MARCHF8: variants seen among roughly 807,000 people sequenced by gnomAD.
MARCHF8 encodes E3 ubiquitin-protein ligase MARCHF8.
A neutral mutation model predicts 51.6 loss-of-function variants in MARCHF8; 40 were observed. The observed-to-expected ratio is 0.77, with a 90% CI of 0.60 to 1.01. The LOEUF is 1.01. Among genes scored for constraint, MARCHF8 ranks in the 50% least tolerant of loss-of-function variants. The pLI, the probability that MARCHF8 is intolerant of heterozygous loss-of-function variation, is 0.00. For synonymous variants in MARCHF8, 263 were observed against 280.3 expected, an observed-to-expected ratio of 0.94 and a Z score of 0.62; for missense variants, 685 against 708.6, an observed-to-expected ratio of 0.97 and a Z score of 0.38.
chr10:45,587,974 A>C (rs1373646927), intron 1 of MARCHF8, among the ~76,000 whole-genome samples: 1 of 152,166 alleles, frequency 6.6e-6, no homozygotes, highest in Admixed American at 6.5e-5. Context: ...GTATTCATAA[A>C]GGAAAGTAAA....
intron 3 of MARCHF8, among the ~76,000 whole-genome samples, chr10:45,483,761 G>A (rs1284082310): frequency 6.6e-6 from 1 of 152,188 alleles, no homozygotes; most frequent in Non-Finnish European, 1.5e-5. Context: ...CATGTCATCT[G>A]CAGCAACATG....
In MARCHF8 at chr10:45,454,686, G is replaced by C. The variant is rs958233431; in HGVS notation, c.*3553C>G. 2 of 152,224 alleles carry C rather than the reference G, an allele frequency of 1.3e-5. No individual in the cohort carries two copies. Among genetic ancestry groups the C allele is most frequent in the Non-Finnish European group, 2.9e-5 (2 of 68,044 alleles). 9.4% of individuals were successfully genotyped at this position (152,224 alleles called of 1,614,324 possible). A position where few individuals can be genotyped will look rare whatever the true frequency, so the allele number is the denominator to read the frequency against. On this transcript the variant is annotated 3_prime_UTR_variant, in exon 8 of 8. Coordinates refer to ENST00000453424, the MANE Select transcript of MARCHF8 (RefSeq NM_001282866.2). ...ATTCAAGTGGTAATACTGAGAAACA[G>C]TGAACACACACAAAAGAATACAAAA...
chr10:45,582,305 G>A (rs922323710), intron 1 of MARCHF8, among the ~76,000 whole-genome samples: 4 of 152,154 alleles, frequency 2.6e-5, no homozygotes, highest in African/African-American at 7.2e-5. Context: ...AGCACCTCCC[G>A]TTCAACTACA....
At chr10:45,469,540 G>A (rs1843087307) in intron 3 of MARCHF8, among the ~76,000 whole-genome samples, 1 of 152,128 alleles carries the variant, frequency 6.6e-6, no homozygotes, top group Non-Finnish European at 1.5e-5. Flanking sequence ...TCTCTCAGAT[G>A]TGTATGCAAA....
At chr10:45,466,962 G>A (rs1488237092) in intron 3 of MARCHF8, among the ~76,000 whole-genome samples, 1 of 152,178 alleles carries the variant, frequency 6.6e-6, no homozygotes, top group Admixed American at 6.5e-5. Flanking sequence ...CACACGTCAG[G>A]ACATGTGTTC....
At chr10:45,563,133 C>T (rs1158193565) in intron 1 of MARCHF8, among the ~76,000 whole-genome samples, 2 of 152,096 alleles carry the variant, frequency 1.3e-5, no homozygotes, top group East Asian at 3.8e-4. Context: ...CTCAAGTGAT[C>T]CTACTGCCTC....
intron 1 of MARCHF8, among the ~76,000 whole-genome samples, chr10:45,586,749 C>G (rs1375730658): frequency 6.6e-6 from 1 of 151,814 alleles, no homozygotes; most frequent in East Asian, 1.9e-4. Context: ...TTTCAAATAC[C>G]TTATTTTGTG....
intron 2 of MARCHF8, among the ~76,000 whole-genome samples, chr10:45,505,114 AAAG>A (rs1365957563): frequency 5.3e-5 from 8 of 152,236 alleles, no homozygotes; most frequent in Non-Finnish European, 8.8e-5. Flanking sequence ...CCTGAATAAG[AAAG>A]AAGGATTGCC....
rs2044179091 is a variant in MARCHF8 at position 45,550,195 on chromosome 10, TC to T, written c.-78-16907del. ...ATTATAAATTCAAAGCTAATTATGA[TC>T]TTTATAATACGGGGAAAAAGGTGCT... is the stretch of plus-strand genomic sequence containing the variant. On this transcript the variant is annotated intron_variant, in intron 1 of 6. Coordinates refer to the MARCHF8 transcript ENST00000319836. Among the ~76,000 whole-genome samples the T allele has an allele frequency of 2.0e-5, 3 of 152,192 alleles. No individual in the cohort carries two copies. In the East Asian group the frequency reaches 5.8e-4, roughly 29 times the overall value.
chr10:45,518,520 G>A (rs1419850612), intron 2 of MARCHF8, among the ~76,000 whole-genome samples: 1 of 152,184 alleles, frequency 6.6e-6, no homozygotes, highest in African/African-American at 2.4e-5. Context: ...CTGCTCTAAA[G>A]ACTCTGATCT....
At chr10:45,538,812 T>C (rs1301701575), upstream of MARCHF8, among the ~76,000 whole-genome samples, 1 of 152,206 alleles carries the variant, frequency 6.6e-6, no homozygotes, top group Non-Finnish European at 1.5e-5. Context: ...CCCAGATTCA[T>C]AAAACAAGTC....
chr10:45,547,886 G>A lies in MARCHF8; in HGVS notation c.-78-14597C>T, dbSNP rs140078373. Among the ~76,000 whole-genome samples, 1,308 of 152,182 alleles carry A rather than the reference G, an allele frequency of 8.6e-3. 13 individuals are homozygous for A. Among genetic ancestry groups the A allele is most frequent in the Middle Eastern group, 0.02 (6 of 294 alleles). ...TAATAAATTAGATATTTCAAAAGTGGGTTACTTTAAGGCACTAAGATACCC... is the reference window on the plus strand; with the variant it reads ...TAATAAATTAGATATTTCAAAAGTGAGTTACTTTAAGGCACTAAGATACCC... On this transcript the variant is annotated intron_variant, in intron 1 of 6. Coordinates refer to the MARCHF8 transcript ENST00000319836.
At position 45,461,292 on chromosome 10, in the gene MARCHF8, C is replaced by A. The variant is rs748603165; in HGVS notation, c.1208G>T (p.Arg403Leu). The A allele has an allele frequency of 1.9e-6, 3 of 1,602,138 alleles. No homozygotes were observed. The highest frequency in any genetic ancestry group is 1.7e-4 in the Middle Eastern group (1 of 6,022). Residue 403 changes from arginine to leucine, a missense_variant, in exon 6 of 8, where the codon CGC (arginine) becomes CTC (leucine). By Grantham distance (102) the Arg-to-Leu change is moderately radical. Transcript: ENST00000453424. Reference protein sequence around the residue: ...LQQWIKSSDTRCCELCKYEFI... With the variant: ...LQQWIKSSDTLCCELCKYEFI... ...CTCATACTTGCAGAGCTCGCAGCAG[C>A]GCGTGTCGGAGCTCTTGATCCACTG...
intron 2 of MARCHF8, among the ~76,000 whole-genome samples, chr10:45,532,447 G>A (rs1164559754): frequency 1.3e-5 from 2 of 152,138 alleles, no homozygotes; most frequent in Non-Finnish European, 2.9e-5. Context: ...ATAATGTAAT[G>A]GTATTTGGAG....
intron 1 of MARCHF8, among the ~76,000 whole-genome samples, chr10:45,567,093 A>G (rs532457477): frequency 6.6e-6 from 1 of 152,174 alleles, no homozygotes; most frequent in Non-Finnish European, 1.5e-5. Flanking sequence ...AATGTCTACT[A>G]GAATCTTTTG....
At chr10:45,508,319 T>G (rs941254377) in intron 2 of MARCHF8, among the ~76,000 whole-genome samples, 4 of 150,540 alleles carry the variant, frequency 2.7e-5, no homozygotes, top group Admixed American at 6.6e-5. Context: ...GGACAAAAAT[T>G]TATTCTTTCA....
At chr10:45,512,750 C>T (rs914306680) in intron 2 of MARCHF8, among the ~76,000 whole-genome samples, 4 of 152,150 alleles carry the variant, frequency 2.6e-5, no homozygotes, top group African/African-American at 9.7e-5. Context: ...GAGAACGGGC[C>T]GGGACGACAA....
intron 1 of MARCHF8, among the ~76,000 whole-genome samples, chr10:45,560,597 G>A (rs1310497745): frequency 6.6e-6 from 1 of 151,220 alleles, no homozygotes; most frequent in Non-Finnish European, 1.5e-5. Flanking sequence ...CCCTCCTCGG[G>A]GTCTGTGAGC....
At position 45,463,574 on chromosome 10, in the gene MARCHF8, G is replaced by T; in HGVS notation, c.665C>A (p.Ser222Tyr). ...NSKHSCVSCL[S>Y]AGRSTASEVE... The stretch of plus-strand genomic sequence containing the variant: ...CTCTGAGGCAGTTGAGCGACCGGCA[G>T]AAAGGCATGAAACACAAGAATGTTT... Residue 222 changes from serine (S) to tyrosine (Y), a missense_variant, in exon 5 of 8, where the codon TCT becomes TAT. Coordinates refer to ENST00000453424, the MANE Select transcript of MARCHF8 (RefSeq NM_001282866.2). The T allele has an allele frequency of 6.4e-7, 1 of 1,550,660 alleles. No homozygotes were observed. The highest frequency in any genetic ancestry group is 1.2e-5 in the South Asian group (1 of 84,068).
Sources: gnomAD v4.1 joint callset for allele counts (sites outside exome capture counted in the v4.1 genomes callset) on GRCh38, gnomAD v4.1.1 for gene constraint, MANE v1.5 for transcripts, NCBI Gene and HGNC (gene_info 2026-07-23, HGNC 2026-07-21) for gene names.